The following MYO3B variants were observed in gnomAD, a reference collection of about 807,000 sequenced individuals.
MYO3B encodes the protein myosin-IIIb.
In MYO3B, 156 loss-of-function variants were observed where a neutral mutation model predicts 174.6. The observed-to-expected ratio is 0.89, with a 90% CI of 0.78 to 1.02. MYO3B has a LOEUF of 1.02. Among genes scored for constraint, MYO3B ranks in the 50% least tolerant of loss-of-function variants. The pLI, the probability that MYO3B is intolerant of heterozygous loss-of-function variation, is 0.00. For synonymous variants in MYO3B, 563 were observed against 569.1 expected (o/e 0.99, Z 0.15); for missense variants, 1,632 against 1,639.4 (o/e 1.00, Z 0.08).
intron 6 of MYO3B, among the ~76,000 whole-genome samples, chr2:170,232,712 T>C (rs2093028187): frequency 1.3e-5 from 2 of 152,346 alleles, no homozygotes; most frequent in East Asian, 3.9e-4. Flanking sequence ...AGCACCTACT[T>C]TGCCAAATTA....
At chr2:170,257,557 A>G (rs1254863646) in intron 7 of MYO3B, among the ~76,000 whole-genome samples, 1 of 152,140 alleles carries the variant, frequency 6.6e-6, no homozygotes, top group Non-Finnish European at 1.5e-5. Flanking sequence ...GAGATGCAAC[A>G]TACCAAAATT....
At chr2:170,354,723 G>A (rs1439512540) in intron 8 of MYO3B, among the ~76,000 whole-genome samples, 5 of 152,064 alleles carry the variant, frequency 3.3e-5, no homozygotes, top group Non-Finnish European at 7.4e-5. Context: ...GCAAATTAAA[G>A]GCTTGGTTGC....
intron 32 of MYO3B, among the ~76,000 whole-genome samples, chr2:170,554,707 G>A (rs892185686): frequency 6.6e-6 from 1 of 152,144 alleles, no homozygotes; most frequent in African/African-American, 2.4e-5. Context: ...TCCTGAGTTC[G>A]TTAGGTCATG....
chr2:170,380,200 T>C (rs966320448), intron 9 of MYO3B, among the ~76,000 whole-genome samples: 6 of 152,360 alleles, frequency 3.9e-5, no homozygotes, highest in Admixed American at 2.6e-4. Context: ...CAAGAAGTTA[T>C]GCTTCTGGGC....
At chr2:170,571,625 G>T (rs1304436932) in intron 32 of MYO3B, among the ~76,000 whole-genome samples, 1 of 152,180 alleles carries the variant, frequency 6.6e-6, no homozygotes, top group Non-Finnish European at 1.5e-5. Context: ...TACAAAACTA[G>T]AGATGAGATT....
At chr2:170,324,047 G>A (rs10185157) in intron 7 of MYO3B, among the ~76,000 whole-genome samples, 74,012 of 151,958 alleles carry the variant, frequency 0.49, 18,410 homozygotes, top group South Asian at 0.57. Flanking sequence ...TTCGAATCAC[G>A]TGGACTTTCA....
intron 23 of MYO3B, among the ~76,000 whole-genome samples, chr2:170,459,744 T>G (rs1684141908): frequency 6.6e-6 from 1 of 151,868 alleles, no homozygotes; most frequent in South Asian, 2.1e-4. Flanking sequence ...TGGGGGGGCT[T>G]GGGCATGGCG....
At chr2:170,509,023 A>G (rs887823358) in intron 28 of MYO3B, among the ~76,000 whole-genome samples, 2 of 148,972 alleles carry the variant, frequency 1.3e-5, no homozygotes, top group African/African-American at 4.9e-5. Context: ...TGGGGGGGAA[A>G]AAAGTCTGTG....
intron 32 of MYO3B, among the ~76,000 whole-genome samples, chr2:170,627,564 C>T (rs1696557865): frequency 6.6e-6 from 1 of 152,222 alleles, no homozygotes; most frequent in African/African-American, 2.4e-5. Flanking sequence ...CAAAGTCATT[C>T]TCCGTCCAGC....
chr2:170,630,440 C>G (rs1696854818), intron 32 of MYO3B, among the ~76,000 whole-genome samples: 2 of 152,192 alleles, frequency 1.3e-5, no homozygotes, highest in African/African-American at 4.8e-5. Flanking sequence ...ACGAGGCCTG[C>G]CTGCCTCTGT....
intron 32 of MYO3B, among the ~76,000 whole-genome samples, chr2:170,573,730 G>A (rs1297068099): frequency 6.6e-6 from 1 of 152,058 alleles, no homozygotes; most frequent in Non-Finnish European, 1.5e-5. Context: ...ATATATATTT[G>A]ATTTTTTTAA....
intron 25 of MYO3B, among the ~76,000 whole-genome samples, chr2:170,483,269 A>T (rs1343806862): frequency 1.3e-5 from 2 of 152,118 alleles, no homozygotes; most frequent in Non-Finnish European, 2.9e-5. Flanking sequence ...GGAAAACAAG[A>T]GAAAAGACAT....
Position 170,653,703 on chromosome 2 carries a change from A to AATC in MYO3B, c.*583_*585dup, listed in dbSNP as rs1383398206. On this transcript the variant is annotated 3_prime_UTR_variant, in exon 35 of 35. Transcript: ENST00000408978. ...GCCTGTGTTTAGGCAGATAGGCCTA[A>AATC]ATCTTTCAGATTCTTTCTACAAGGC... The AATC allele has an allele frequency of 6.6e-6, 1 of 152,250 alleles. No individual in the cohort carries two copies. Among genetic ancestry groups the AATC allele is most frequent in the Admixed American group, 6.5e-5 (1 of 15,272 alleles). The allele number at this position is 152,250 out of a possible 1,614,324, so 9.4% of individuals were successfully genotyped here.
At chr2:170,280,686 C>T (rs1361026564) in intron 7 of MYO3B, among the ~76,000 whole-genome samples, 5 of 152,090 alleles carry the variant, frequency 3.3e-5, no homozygotes, top group Non-Finnish European at 7.4e-5. Flanking sequence ...CTTCAGTCTT[C>T]TGCATTTGGC....
At chr2:170,558,039 T>C (rs771948448) in intron 32 of MYO3B, among the ~76,000 whole-genome samples, 5 of 152,184 alleles carry the variant, frequency 3.3e-5, no homozygotes, top group South Asian at 4.2e-4. Flanking sequence ...CCGTGGCTCA[T>C]GCCTGTAATC....
At chr2:170,348,923 A>G (rs1281102463) in intron 8 of MYO3B, among the ~76,000 whole-genome samples, 1 of 152,188 alleles carries the variant, frequency 6.6e-6, no homozygotes, top group African/African-American at 2.4e-5. Context: ...CTGGGTGATG[A>G]TTCAGATCTC....
At chr2:170,204,183 G>T (rs556245230) in intron 3 of MYO3B, among the ~76,000 whole-genome samples, 1 of 152,160 alleles carries the variant, frequency 6.6e-6, no homozygotes, top group Non-Finnish European at 1.5e-5. Context: ...TCCAACACCA[G>T]AGGAAAAAAT....
chr2:170,237,579 T>G (rs1394145254), intron 7 of MYO3B, among the ~76,000 whole-genome samples: 3 of 152,056 alleles, frequency 2.0e-5, no homozygotes, highest in African/African-American at 7.3e-5. Context: ...TTCCACTCTA[T>G]TGACTCCACT....
At chr2:170,539,374 G>T (rs1486859034) in intron 30 of MYO3B, among the ~76,000 whole-genome samples, 1 of 152,178 alleles carries the variant, frequency 6.6e-6, no homozygotes, top group East Asian at 1.9e-4. Context: ...CATCCTGGGT[G>T]ATATTACATA....
Sources: allele counts gnomAD v4.1 joint callset (sites outside exome capture counted in the v4.1 genomes callset), GRCh38; gene constraint gnomAD v4.1.1; transcripts MANE v1.5; gene names NCBI Gene and HGNC (gene_info 2026-07-23, HGNC 2026-07-21).